Variants in OPCML observed in about 807,000 individuals in gnomAD.
OPCML encodes opioid-binding protein/cell adhesion molecule.
Under a neutral mutation model 37.8 loss-of-function variants are expected in OPCML, and 13 were observed. That is an observed-to-expected ratio of 0.34 (90% CI 0.22 to 0.55). The LOEUF (loss-of-function observed/expected upper bound fraction) is 0.55. Among genes scored for constraint, OPCML ranks in the 20% least tolerant of loss-of-function variants. The probability of loss-of-function intolerance (pLI) is 0.91; values close to 1 mark genes in which losing one functional copy is unlikely to be tolerated. For missense variants in OPCML, 341 were observed against 435.6 expected (o/e 0.78, Z 1.93); for synonymous variants, 176 against 168.8 (o/e 1.04, Z -0.33).
chr11:133,107,522 C>G (rs756847608), intron 1 of OPCML, among the ~76,000 whole-genome samples: 2 of 152,192 alleles, frequency 1.3e-5, no homozygotes, highest in African/African-American at 4.8e-5. Flanking sequence ...ATCCAGACAA[C>G]CTGTCAGCCC....
At chr11:133,454,781 T>G (rs563890964) in intron 1 of OPCML, among the ~76,000 whole-genome samples, 1 of 152,290 alleles carries the variant, frequency 6.6e-6, no homozygotes, top group South Asian at 2.1e-4. Flanking sequence ...AAACATTCAT[T>G]TATCTTTACT....
At chr11:132,855,668 ATG>A (rs1364591908) in intron 2 of OPCML, among the ~76,000 whole-genome samples, 1 of 152,210 alleles carries the variant, frequency 6.6e-6, no homozygotes, top group Non-Finnish European at 1.5e-5. Flanking sequence ...CAGCCTTCAG[ATG>A]TCTGCAGACT....
At position 132,511,916 on chromosome 11, in the gene OPCML, A is replaced by G. The variant is rs143779020; in HGVS notation, c.505+17145T>C. On this transcript the variant is annotated intron_variant, in intron 4 of 7. Coordinates refer to ENST00000524381, the MANE Select transcript of OPCML (RefSeq NM_001012393.5). ...TTTACAAGATTCCTTTAGAAGCACC[A>G]TTAAGAAAATGAGAAGGCAAAGCAT... 1.8e-3 allele frequency among the ~76,000 whole-genome samples: 281 copies of G among 152,242 alleles called. 2 individuals are homozygous for G. Among genetic ancestry groups the G allele is most frequent in the Non-Finnish European group, 2.8e-3 (193 of 67,938 alleles).
At chr11:132,774,081 G>A (rs192407918) in intron 2 of OPCML, among the ~76,000 whole-genome samples, 76 of 152,286 alleles carry the variant, frequency 5.0e-4, no homozygotes, top group Admixed American at 3.3e-3. Context: ...TGGGAAGATC[G>A]TGTGTCATGC....
chr11:133,122,233 G>A (rs1220095977), intron 1 of OPCML, among the ~76,000 whole-genome samples: 1 of 152,164 alleles, frequency 6.6e-6, no homozygotes, highest in African/African-American at 2.4e-5. Flanking sequence ...GACGGAGCTT[G>A]GGATTCTTGA....
chr11:132,446,978 A>G (rs1192205619), intron 4 of OPCML, among the ~76,000 whole-genome samples: 1 of 152,174 alleles, frequency 6.6e-6, no homozygotes, highest in Non-Finnish European at 1.5e-5. Flanking sequence ...GTGGACTGCC[A>G]ATACTGTGTT....
chr11:132,959,276 T>C (rs1273918229), intron 1 of OPCML, among the ~76,000 whole-genome samples: 1 of 152,218 alleles, frequency 6.6e-6, no homozygotes, highest in African/African-American at 2.4e-5. Context: ...ACTAAAGATG[T>C]GACAGTCTCA....
At chr11:133,066,413 G>A (rs2137000635) in intron 1 of OPCML, 1 of 152,300 alleles carries the variant, frequency 6.6e-6, no homozygotes, top group South Asian at 2.1e-4. Context: ...CAAAGTCTAG[G>A]GAGAGTACTA....
chr11:133,314,222 G>A (rs1943145485), intron 1 of OPCML, among the ~76,000 whole-genome samples: 1 of 102,682 alleles, frequency 9.7e-6, no homozygotes, highest in Non-Finnish European at 1.7e-5. Context: ...GCTACAGCGA[G>A]ACTCCGTCTC....
At chr11:132,993,677 G>T (rs1946824185) in intron 1 of OPCML, among the ~76,000 whole-genome samples, 1 of 152,114 alleles carries the variant, frequency 6.6e-6, no homozygotes, top group Admixed American at 6.6e-5. Flanking sequence ...CATAGACAGG[G>T]ACAGAGAAAG....
chr11:132,537,440 C>T (rs1294660781), intron 3 of OPCML, among the ~76,000 whole-genome samples: 1 of 152,108 alleles, frequency 6.6e-6, no homozygotes, highest in Non-Finnish European at 1.5e-5. Flanking sequence ...TAACTCAAAA[C>T]ATTAATAGAT....
In OPCML at chr11:133,173,909, G is replaced by GA. The variant is rs1245130534; in HGVS notation, c.62-230900_62-230899insT. ...GGGCTGGAATGAAGATTGGACCGGG[G>GA]CCGGCCGGCACTGGAGCAGCCCTCT... On this transcript the variant is annotated intron_variant, in intron 1 of 7. Transcript: ENST00000524381. The surrounding 1 kb of genome is among the most constrained non-coding windows in gnomAD (Gnocchi z 7.8). Among the ~76,000 whole-genome samples, 2 of 152,296 alleles carry GA rather than the reference G, an allele frequency of 1.3e-5. No individual in the cohort carries two copies. The highest frequency in any genetic ancestry group is 4.8e-5 in the African/African-American group (2 of 41,570).
intron 4 of OPCML, among the ~76,000 whole-genome samples, chr11:132,528,061 C>G (rs1212815174): frequency 2.6e-5 from 4 of 152,174 alleles, no homozygotes; most frequent in African/African-American, 4.8e-5. Flanking sequence ...TCTCAGACAT[C>G]TAGCCTCCAG....
In OPCML at chr11:133,319,424, G is replaced by A. The variant is rs148632484; in HGVS notation, c.61+212840C>T. On this transcript the variant is annotated intron_variant, in intron 1 of 7. Coordinates refer to ENST00000524381, the MANE Select transcript of OPCML (RefSeq NM_001012393.5). ...AGTAAGAGTCTTCTTCCGAGGTCCC[G>A]ACAGGCTCAAATTCTTTGTTCAAAT... 6.8e-3 allele frequency among the ~76,000 whole-genome samples: 1,036 copies of A among 152,192 alleles called. 16 individuals are homozygous for A. The highest frequency in any genetic ancestry group is 0.024 in the African/African-American group (997 of 41,524).
At chr11:132,546,862 A>G (rs1345372559) in intron 3 of OPCML, among the ~76,000 whole-genome samples, 1 of 152,216 alleles carries the variant, frequency 6.6e-6, no homozygotes, top group Non-Finnish European at 1.5e-5. Flanking sequence ...TGCACATTGC[A>G]TATTTCCGCA....
chr11:133,334,738 A>G, intron 1 of OPCML, among the ~76,000 whole-genome samples: 1 of 152,174 alleles, frequency 6.6e-6, no homozygotes, highest in East Asian at 1.9e-4. Context: ...CTGCTCCCAT[A>G]GAGTGTACCA....
intron 1 of OPCML, among the ~76,000 whole-genome samples, chr11:133,240,704 T>G (rs2136409271): frequency 6.6e-6 from 1 of 152,344 alleles, no homozygotes; most frequent in Middle Eastern, 3.4e-3. Context: ...AAACCCTGCC[T>G]ATATTTTCAA....
chr11:133,231,539 G>T (rs571981939), intron 1 of OPCML, among the ~76,000 whole-genome samples: 1 of 152,166 alleles, frequency 6.6e-6, no homozygotes, highest in South Asian at 2.1e-4. Flanking sequence ...GTTGAAAATG[G>T]CATCATCTCC....
intron 3 of OPCML, among the ~76,000 whole-genome samples, chr11:132,629,735 G>C (rs1263619804): frequency 6.6e-6 from 1 of 151,990 alleles, no homozygotes; most frequent in Non-Finnish European, 1.5e-5. Context: ...GTTTGTGGAA[G>C]GTTGTTCTAC....
Sources: gnomAD v4.1 joint callset for allele counts (sites outside exome capture counted in the v4.1 genomes callset) on GRCh38, gnomAD v4.1.1 for gene constraint, Gnocchi (gnomAD v3.1) non-coding constraint, MANE v1.5 for transcripts, NCBI Gene and HGNC (gene_info 2026-07-23, HGNC 2026-07-21) for gene names.